The following PHACTR1 variants were observed in gnomAD, a reference collection of about 807,000 sequenced individuals.
The protein encoded by PHACTR1 is phosphatase and actin regulator 1, also known as RPEL repeat containing 1.
In PHACTR1, 16 loss-of-function variants were observed where a neutral mutation model predicts 69.2. That is an observed-to-expected ratio of 0.23 (90% CI 0.16 to 0.35). The LOEUF (loss-of-function observed/expected upper bound fraction) is 0.35. Among genes scored for constraint, PHACTR1 ranks in the 10% least tolerant of loss-of-function variants. The pLI, the probability that PHACTR1 is intolerant of heterozygous loss-of-function variation, is 1.00. For missense variants in PHACTR1, 510 were observed against 734.7 expected (o/e 0.69, Z 3.54); for synonymous variants, 312 against 284.5 (o/e 1.10, Z -0.97).
chr6:12,864,596 C>T (rs1483060837), intron 4 of PHACTR1, among the ~76,000 whole-genome samples: 15 of 151,614 alleles, frequency 9.9e-5, no homozygotes, highest in Non-Finnish European at 1.8e-4. Context: ...AGGAGAATGG[C>T]GTGAACCCAG....
chr6:13,215,204 T>G (rs370455908), intron 8 of PHACTR1, among the ~76,000 whole-genome samples: 2 of 152,334 alleles, frequency 1.3e-5, no homozygotes, highest in African/African-American at 4.8e-5. Flanking sequence ...TGCTTGGCAC[T>G]GGGGATGTAA....
chr6:13,103,453 A>C (rs1815516234), intron 5 of PHACTR1, among the ~76,000 whole-genome samples: 1 of 152,236 alleles, frequency 6.6e-6, no homozygotes, highest in African/African-American at 2.4e-5. Flanking sequence ...GTAAGAAGAA[A>C]TTATTCTTGA....
intron 5 of PHACTR1, among the ~76,000 whole-genome samples, chr6:13,112,380 T>G (rs1038245771): frequency 2.0e-5 from 3 of 152,230 alleles, no homozygotes; most frequent in African/African-American, 7.2e-5. Flanking sequence ...TTAAATTCCT[T>G]TGGGTATACA....
intron 3 of PHACTR1, among the ~76,000 whole-genome samples, chr6:12,730,403 C>T (rs1581461161): frequency 1.3e-5 from 2 of 151,542 alleles, no homozygotes; most frequent in East Asian, 3.9e-4. Flanking sequence ...ATTGCAAATT[C>T]TGGCTTGTAT....
At chr6:12,997,963 C>CA (rs111302823) in intron 4 of PHACTR1, among the ~76,000 whole-genome samples, 4,074 of 151,778 alleles carry the variant, frequency 0.027, 189 homozygotes, top group African/African-American at 0.092. Context: ...AAAGAAAAAA[C>CA]AAAAAAAATA....
Position 13,053,435 on chromosome 6 carries a change from C to G in PHACTR1, c.321C>G (p.Ile107Met). Reference sequence around the variant, plus strand: ...TCCCAGGCACCCACACCCCACCCATCCGCAGGAGAAGTAAGTTTGCCAACC... The same window carrying G: ...TCCCAGGCACCCACACCCCACCCATGCGCAGGAGAAGTAAGTTTGCCAACC... Reference protein sequence around the residue: ...SLVPGTHTPPIRRRSKFANLG... With the variant: ...SLVPGTHTPPMRRRSKFANLG... Residue 107 changes from isoleucine (I) to methionine (M), a missense_variant, in exon 5 of 15, where the codon ATC becomes ATG. Coordinates refer to ENST00000332995, the MANE Select transcript of PHACTR1 (RefSeq NM_030948.6). 6.2e-7 allele frequency: 1 copy of G among 1,613,810 alleles called. No individual in the cohort carries two copies. The highest frequency in any genetic ancestry group is 1.1e-5 in the South Asian group (1 of 91,038).
intron 4 of PHACTR1, among the ~76,000 whole-genome samples, chr6:12,821,022 G>A (rs528314804): frequency 6.6e-6 from 1 of 152,118 alleles, no homozygotes; most frequent in Admixed American, 6.5e-5. Context: ...GAAAAACCTG[G>A]TATAGAGATC....
At chr6:13,240,047 C>CT (rs199751125) in intron 10 of PHACTR1, among the ~76,000 whole-genome samples, 2 of 139,646 alleles carry the variant, frequency 1.4e-5, no homozygotes, top group South Asian at 2.3e-4. Flanking sequence ...TGCAAAGTTT[C>CT]TTTAAAAAAA....
At chr6:13,204,825 G>A (rs1583914678) in intron 7 of PHACTR1, among the ~76,000 whole-genome samples, 1 of 152,196 alleles carries the variant, frequency 6.6e-6, no homozygotes, top group African/African-American at 2.4e-5. Context: ...ATGGAAGAGG[G>A]AATTAAGGTT....
chr6:13,122,195 T>C (rs999323137), intron 5 of PHACTR1, among the ~76,000 whole-genome samples: 9 of 152,222 alleles, frequency 5.9e-5, no homozygotes, highest in African/African-American at 2.2e-4. Context: ...AATAAGTGTT[T>C]TAAGAAAACA....
intron 4 of PHACTR1, among the ~76,000 whole-genome samples, chr6:12,785,018 ATTATACATATATAT>A (rs1046604210): frequency 3.7e-4 from 56 of 151,808 alleles, no homozygotes; most frequent in East Asian, 1.7e-3. Context: ...CATATTTTAT[ATTATACATATATAT>A]TTATACATAT....
chr6:13,013,800 G>A (rs1308331885), intron 4 of PHACTR1, among the ~76,000 whole-genome samples: 2 of 149,432 alleles, frequency 1.3e-5, no homozygotes, highest in East Asian at 4.0e-4. Context: ...CGCGGGCGGG[G>A]CGGGGGCATG....
intron 4 of PHACTR1, among the ~76,000 whole-genome samples, chr6:12,832,795 T>C (rs1463421733): frequency 1.3e-5 from 2 of 152,100 alleles, no homozygotes; most frequent in Non-Finnish European, 2.9e-5. Context: ...GTTCCTCTTA[T>C]GTTGTCAGGC....
At chr6:13,026,070 A>G (rs1801655152) in intron 4 of PHACTR1, among the ~76,000 whole-genome samples, 1 of 152,218 alleles carries the variant, frequency 6.6e-6, no homozygotes, top group Admixed American at 6.5e-5. Context: ...TGCATTGCTA[A>G]CTCCAAATAC....
chr6:13,230,044 G>A lies in PHACTR1; in HGVS notation c.1242G>A (p.Leu414=), dbSNP rs751837665. The A allele has an allele frequency of 6.2e-7, 1 of 1,608,946 alleles. No individual in the cohort carries two copies. The highest frequency in any genetic ancestry group is 8.5e-7 in the Non-Finnish European group (1 of 1,177,576). ...CATTTCTGTCTCCTACAGGCTCCCTGGCCATGAAGGTCTGCAGGAAGGACT... is the reference window on the plus strand; with the variant it reads ...CATTTCTGTCTCCTACAGGCTCCCTAGCCATGAAGGTCTGCAGGAAGGACT... The part of the protein sequence containing the change: ...DDDSSLYTSS[L]AMKVCRKDSL... Residue 414 remains leucine (L), a synonymous_variant, in exon 10 of 15, where the codon CTG becomes CTA. Transcript: ENST00000332995.
Position 12,903,259 on chromosome 6 carries a change from G to A in PHACTR1, c.251-150106G>A, listed in dbSNP as rs561636639. On this transcript the variant is annotated intron_variant, in intron 4 of 14. Coordinates refer to ENST00000332995, the MANE Select transcript of PHACTR1 (RefSeq NM_030948.6). ...AAGGATAAGGAAAGCACTTAGAACA[G>A]TATAAGGCACAAAGCAACTGTGTGG... Among the ~76,000 whole-genome samples, 6 of 152,292 alleles carry A rather than the reference G, an allele frequency of 3.9e-5. No individual in the cohort carries two copies. The South Asian group carries it at 1.2e-3, about 32-fold the overall frequency.
chr6:12,987,738 C>T (rs968752797), intron 4 of PHACTR1, among the ~76,000 whole-genome samples: 29 of 152,112 alleles, frequency 1.9e-4, no homozygotes, highest in African/African-American at 6.5e-4. Context: ...AGGAATAGAG[C>T]GGCAGAGGTA....
At position 12,738,450 on chromosome 6, in the gene PHACTR1, A is replaced by C. The variant is rs111660713; in HGVS notation, c.104-11194A>C. ...CACCCATCATTAAAAATTTTCCCCTAGAGTTAGCATCCCTTATCAGTTCGT... is the reference window on the plus strand; with the variant it reads ...CACCCATCATTAAAAATTTTCCCCTCGAGTTAGCATCCCTTATCAGTTCGT... On this transcript the variant is annotated intron_variant, in intron 3 of 14. Transcript: ENST00000332995. Among the ~76,000 whole-genome samples, 1,029 of 152,308 alleles carry C rather than the reference A, an allele frequency of 6.8e-3. 6 individuals are homozygous for C. The highest frequency in any genetic ancestry group is 0.011 in the Non-Finnish European group (717 of 68,024).
At chr6:13,215,889 G>C (rs1042027215) in intron 8 of PHACTR1, among the ~76,000 whole-genome samples, 5 of 152,212 alleles carry the variant, frequency 3.3e-5, no homozygotes, top group African/African-American at 4.8e-5. Flanking sequence ...ATGCAGGAAA[G>C]TTCCAGAGTC....
Sources: allele counts gnomAD v4.1 joint callset (sites outside exome capture counted in the v4.1 genomes callset), GRCh38; gene constraint gnomAD v4.1.1; transcripts MANE v1.5; gene names NCBI Gene and HGNC (gene_info 2026-07-23, HGNC 2026-07-21).